DNAJC10: variants seen among roughly 807,000 people sequenced by gnomAD.
The protein encoded by DNAJC10 is DnaJ heat shock protein family (Hsp40) member C10.
DNAJC10 carries 101 observed loss-of-function variants against 115.0 expected under a neutral mutation model. That is an observed-to-expected ratio of 0.88 (90% confidence interval 0.75 to 1.04). DNAJC10 has a LOEUF of 1.04. Among genes scored for constraint, DNAJC10 ranks in the 50% least tolerant of loss-of-function variants. The pLI is 0.00. For missense variants in DNAJC10, 981 were observed against 928.8 expected, an observed-to-expected ratio of 1.06 and a Z score of -0.73; for synonymous variants, 307 against 301.5, an observed-to-expected ratio of 1.02 and a Z score of -0.19.
intron 22 of DNAJC10, among the ~76,000 whole-genome samples, chr2:182,767,769 A>G (rs1694452443): frequency 6.6e-6 from 1 of 152,098 alleles, no homozygotes; most frequent in South Asian, 2.1e-4. Flanking sequence ...TATCCACTAG[A>G]TGGCTTTTTT....
chr2:182,719,405 C>T (rs1558994159), intron 3 of DNAJC10, among the ~76,000 whole-genome samples: 1 of 151,898 alleles, frequency 6.6e-6, no homozygotes, highest in Non-Finnish European at 1.5e-5. Context: ...AGGCGTGCGT[C>T]ACTACTGCCC....
rs146455288 is a variant in DNAJC10 at position 182,757,942 on chromosome 2, T to G, written c.1943+117T>G. The G allele has an allele frequency of 6.6e-4, 387 of 587,390 alleles. 2 individuals carry two copies. Among genetic ancestry groups the G allele is most frequent in the African/African-American group, 6.3e-3 (337 of 53,136 alleles). The allele number at this position is 587,390 out of a possible 1,614,324, so 36.4% of individuals were successfully genotyped here. On this transcript the variant is annotated intron_variant, in intron 19 of 23. Coordinates refer to ENST00000264065, the MANE Select transcript of DNAJC10 (RefSeq NM_018981.4). ...CAACAAATATTTATTGGGAGCCCAC[T>G]ACGTAAAGATAGTTTGTTAATGAAC...
chr2:182,769,149 A>C (rs192732091), intron 22 of DNAJC10, among the ~76,000 whole-genome samples: 1 of 152,194 alleles, frequency 6.6e-6, no homozygotes, highest in Non-Finnish European at 1.5e-5. Flanking sequence ...TGCAAAGGAC[A>C]TGAACGCATC....
Position 182,775,328 on chromosome 2 carries a change from G to A in DNAJC10, c.2278G>A (p.Glu760Lys). ...TTTTTAATTTTAGAGAAATTTTCAA[G>A]AAGAGCAGATAAATACCAGAGATGC... ...FYERAKRNFQEEQINTRDAKA... is the reference protein window; with the variant it reads ...FYERAKRNFQKEQINTRDAKA... The change falls in exon 23 of 24, where the codon GAA (glutamate) becomes AAA (lysine). Residue 760 changes from glutamate to lysine, a missense_variant. Coordinates refer to ENST00000264065, the MANE Select transcript of DNAJC10 (RefSeq NM_018981.4). 6.2e-7 allele frequency: 1 copy of A among 1,605,042 alleles called. No individual in the cohort carries two copies. The highest frequency in any genetic ancestry group is 8.5e-7 in the Non-Finnish European group (1 of 1,173,602).
chr2:182,758,733 C>A, intron 19 of DNAJC10, 104 bp from the exon 20 acceptor site: 1 of 801,892 alleles, frequency 1.2e-6, no homozygotes, highest in South Asian at 1.6e-5. Context: ...CAGATGAAAT[C>A]AATCAATATA....
At chr2:182,739,542 C>A in intron 11 of DNAJC10, 1 of 1,220,818 alleles carries the variant, frequency 8.2e-7, no homozygotes, top group Non-Finnish European at 1.0e-6. Flanking sequence ...TTTATAATAA[C>A]AGCTGCTTCA....
chr2:182,727,767 T>C (rs894699852), intron 5 of DNAJC10, among the ~76,000 whole-genome samples: 2 of 152,250 alleles, frequency 1.3e-5, no homozygotes, highest in African/African-American at 4.8e-5. Flanking sequence ...TGGAATTATA[T>C]GGAAATCCTT....
chr2:182,727,848 T>G (rs1030178933), intron 5 of DNAJC10, among the ~76,000 whole-genome samples: 1 of 152,228 alleles, frequency 6.6e-6, no homozygotes, highest in African/African-American at 2.4e-5. Context: ...GTTAAATTTT[T>G]TAAGTGAGTA....
chr2:182,770,635 T>G (rs943829321), intron 22 of DNAJC10, among the ~76,000 whole-genome samples: 4 of 152,180 alleles, frequency 2.6e-5, no homozygotes, highest in Non-Finnish European at 5.9e-5. Context: ...TAGGAGTGCT[T>G]GTGATTTTTG....
At position 182,736,436 on chromosome 2, in the gene DNAJC10, T is replaced by A. The variant is rs1180315563; in HGVS notation, c.987+50T>A. On this transcript the variant is annotated intron_variant, in intron 11 of 23. Transcript: ENST00000264065. ...ATTTACATATAATGTGCAAACACCCTCAAAAATAATACATTATTTTTGTAA... is the reference window on the plus strand; with the variant it reads ...ATTTACATATAATGTGCAAACACCCACAAAAATAATACATTATTTTTGTAA... 3.1e-6 allele frequency: 4 copies of A among 1,293,478 alleles called. No homozygotes were observed. In the African/African-American group the frequency reaches 4.6e-5, roughly 15 times the overall value. The allele number at this position is 1,293,478 out of a possible 1,614,324, so 80.1% of individuals were successfully genotyped here.
In DNAJC10 at chr2:182,772,327, T is replaced by C. The variant is rs542100725; in HGVS notation, c.2266-2989T>C. ...TGGGGTGGAGAGTTCTGTGGTTGTC[T>C]ATTAGGTCTGCTTTTTGCAGAGCTG... On this transcript the variant is annotated intron_variant, in intron 22 of 23. Coordinates refer to ENST00000264065, the MANE Select transcript of DNAJC10 (RefSeq NM_018981.4). 1.2e-3 allele frequency among the ~76,000 whole-genome samples: 184 copies of C among 151,502 alleles called. 1 individual carries two copies. Among genetic ancestry groups the C allele is most frequent in the African/African-American group, 4.2e-3 (174 of 41,490 alleles).
chr2:182,758,539 T>A (rs2105682046), intron 19 of DNAJC10, among the ~76,000 whole-genome samples: 1 of 152,266 alleles, frequency 6.6e-6, no homozygotes, highest in African/African-American at 2.4e-5. Context: ...GAATAAAGAT[T>A]CAGAAACTAA....
intron 1 of DNAJC10, among the ~76,000 whole-genome samples, 158 bp from the exon 2 acceptor site, chr2:182,716,858 G>GGGC (rs1275509861): frequency 1.3e-5 from 2 of 152,164 alleles, no homozygotes; most frequent in East Asian, 3.9e-4. Context: ...CCGGTAGCTC[G>GGGC]GGCCACGGGC....
chr2:182,756,703 G>T (rs1362093426), intron 18 of DNAJC10, among the ~76,000 whole-genome samples: 1 of 151,964 alleles, frequency 6.6e-6, no homozygotes. Context: ...GGTAGCAGGG[G>T]GCAGAGTCTC....
chr2:182,755,168 T>A, intron 17 of DNAJC10, 64 bp downstream of exon 17: 2 of 919,480 alleles, frequency 2.2e-6, no homozygotes, highest in East Asian at 4.9e-5. Context: ...CCTGTATGAA[T>A]GTTTCATATT....
chr2:182,756,902 G>A lies in DNAJC10; in HGVS notation c.1809+433G>A, dbSNP rs367689065. Among the ~76,000 whole-genome samples, 3 of 152,304 alleles carry A rather than the reference G, an allele frequency of 2.0e-5. No homozygotes were observed. The East Asian group carries it at 5.8e-4, about 29-fold the overall frequency. ...AATCTGCCCACTTCTGCCTTTCAAAGTGCTGGGATTACAAACATGAGCCTC... is the reference window on the plus strand; with the variant it reads ...AATCTGCCCACTTCTGCCTTTCAAAATGCTGGGATTACAAACATGAGCCTC... On this transcript the variant is annotated intron_variant, in intron 18 of 23. Coordinates refer to ENST00000264065, the MANE Select transcript of DNAJC10 (RefSeq NM_018981.4).
At chr2:182,768,664 C>A (rs1350286362) in intron 22 of DNAJC10, among the ~76,000 whole-genome samples, 2 of 152,164 alleles carry the variant, frequency 1.3e-5, no homozygotes, top group Admixed American at 1.3e-4. Flanking sequence ...TCAGGATATG[C>A]TGACCTGTTC....
In DNAJC10 at chr2:182,790,010, C is replaced by A. The variant is rs1352814563; in HGVS notation, c.*12878C>A. On this transcript the variant is annotated 3_prime_UTR_variant, in exon 24 of 24. Coordinates refer to ENST00000264065, the MANE Select transcript of DNAJC10 (RefSeq NM_018981.4). ...TGTATTACTTTCCCATTTGGATGCC[C>A]TTTTCATCCTTCACCTCATCCTGTA... The A allele has an allele frequency of 6.6e-6, 1 of 152,146 alleles. No individual in the cohort carries two copies. Among genetic ancestry groups the A allele is most frequent in the Non-Finnish European group, 1.5e-5 (1 of 68,036 alleles). The allele number at this position is 152,146 out of a possible 1,614,324, so 9.4% of individuals were successfully genotyped here. A position where few individuals can be genotyped will look rare whatever the true frequency, so the allele number is the denominator to read the frequency against.
Position 182,718,226 on chromosome 2 carries a change from G to A in DNAJC10, c.140G>A (p.Ser47Asn). ...TTACTTGGAGTGTCCAAAACTGCAA[G>A]CAGTAGAGAAATAAGACAAGCTTTC... is the stretch of plus-strand genomic sequence containing the variant. ...YSLLGVSKTA[S>N]SREIRQAFKK... The change falls in exon 3 of 24, where the codon AGC becomes AAC. Residue 47 changes from serine to asparagine, a missense_variant. By Grantham distance (46) the Ser-to-Asn change is conservative. Coordinates refer to ENST00000264065, the MANE Select transcript of DNAJC10 (RefSeq NM_018981.4). 6.2e-7 allele frequency: 1 copy of A among 1,613,208 alleles called. No individual in the cohort carries two copies. Among genetic ancestry groups the A allele is most frequent in the Non-Finnish European group, 8.5e-7 (1 of 1,179,720 alleles).
Sources: gnomAD v4.1 joint callset for allele counts (sites outside exome capture counted in the v4.1 genomes callset) on GRCh38, gnomAD v4.1.1 for gene constraint, MANE v1.5 for transcripts, NCBI Gene and HGNC (gene_info 2026-07-23, HGNC 2026-07-21) for gene names.